The following BAIAP2 variants were observed in gnomAD, a reference collection of about 807,000 sequenced individuals.
The protein encoded by BAIAP2 is BAR/IMD domain containing adaptor protein 2.
In BAIAP2, 18 loss-of-function variants were observed where a neutral mutation model predicts 63.0. The ratio of observed to expected loss-of-function variants is 0.29; its 90% CI spans 0.20 to 0.42. BAIAP2 has a LOEUF of 0.42. Ranked by LOEUF, BAIAP2 falls within the 10% of genes least tolerant of loss-of-function variation. The pLI is 1.00. For synonymous variants in BAIAP2, 386 were observed against 307.6 expected (o/e 1.25, Z -2.67); for missense variants, 610 against 734.3 (o/e 0.83, Z 1.96).
chr17:81,074,382 G>A (rs1048442688), intron 3 of BAIAP2, among the ~76,000 whole-genome samples: 2 of 152,012 alleles, frequency 1.3e-5, no homozygotes, highest in Non-Finnish European at 2.9e-5. Context: ...GTGCGTGCAC[G>A]GATACGTGAG....
intron 6 of BAIAP2, among the ~76,000 whole-genome samples, chr17:81,091,211 A>ACCCCC (rs1568150091): frequency 1.7e-4 from 1 of 5,794 alleles, no homozygotes; most frequent in Non-Finnish European, 3.5e-4. Flanking sequence ...ACCCCACCCC[A>ACCCCC]CAGGCCTCCT....
chr17:81,111,004 G>C, intron 13 of BAIAP2: 1 of 1,610,024 alleles, frequency 6.2e-7, no homozygotes. Context: ...CTCTCCAGTG[G>C]TTCTCCACGG....
At chr17:81,085,786 C>A (rs1455193357) in intron 5 of BAIAP2, 61 bp downstream of exon 5, 2 of 1,314,950 alleles carry the variant, frequency 1.5e-6, no homozygotes, top group Non-Finnish European at 2.2e-6. Flanking sequence ...CTCCCAAATG[C>A]CTGCCACTCC....
rs1455593903 is a variant in BAIAP2 at position 81,116,743 on chromosome 17, T to C, written c.*904T>C. On this transcript the variant is annotated 3_prime_UTR_variant, in exon 14 of 14. Transcript: ENST00000428708. ...CAGATTTGTGCTCTTCCATACTGTT[T>C]GTTTGTTTGTTAGGTGAAATACAGT... 2 of 191,622 alleles carry C rather than the reference T, an allele frequency of 1.0e-5. No individual in the cohort carries two copies. Among genetic ancestry groups the C allele is most frequent in the Non-Finnish European group, 2.2e-5 (2 of 90,326 alleles). 11.9% of individuals were successfully genotyped at this position (191,622 alleles called of 1,614,324 possible).
At chr17:81,099,618 C>A (rs1421286498) in intron 6 of BAIAP2, among the ~76,000 whole-genome samples, 3 of 152,104 alleles carry the variant, frequency 2.0e-5, no homozygotes, top group African/African-American at 7.2e-5. Context: ...ACAGCAGGAG[C>A]CCTGAGATGA....
Position 81,112,647 on chromosome 17 carries a change from G to A in BAIAP2, c.1536-3123G>A, listed in dbSNP as rs188812157. ...AGCTGACGCGAGAAGACAGAAAACA[G>A]GTGCTGTCCGCCCGGCTCTGGGTCT... On this transcript the variant is annotated intron_variant, in intron 13 of 13. Coordinates refer to ENST00000428708, the MANE Select transcript of BAIAP2 (RefSeq NM_001144888.2). 3.3e-4 allele frequency among the ~76,000 whole-genome samples: 50 copies of A among 152,368 alleles called. No individual in the cohort carries two copies. The East Asian group carries it at 9.4e-3, about 29-fold the overall frequency.
Position 81,108,489 on chromosome 17 carries a change from T to C in BAIAP2, c.1515T>C (p.Tyr505=), listed in dbSNP as rs754840178. The C allele has an allele frequency of 9.9e-6, 16 of 1,613,856 alleles. No individual in the cohort carries two copies. The South Asian group carries it at 1.6e-4, about 17-fold the overall frequency. The change falls in exon 13 of 14, where the codon TAT becomes TAC. Residue 505 remains tyrosine (Y), a synonymous_variant. Coordinates refer to ENST00000428708, the MANE Select transcript of BAIAP2 (RefSeq NM_001144888.2). ...TCTGCCCCCAGGGCCTGGATGACTATGGAGCGCGGTCCATGAGCAGGTAAG... is the reference window on the plus strand; with the variant it reads ...TCTGCCCCCAGGGCCTGGATGACTACGGAGCGCGGTCCATGAGCAGGTAAG... ...VPAFSQGLDD[Y]GARSMSRNPF...
chr17:81,068,071 C>T (rs1272544396), intron 3 of BAIAP2, among the ~76,000 whole-genome samples: 1 of 152,242 alleles, frequency 6.6e-6, no homozygotes, highest in East Asian at 1.9e-4. Flanking sequence ...CTCTGGGGTC[C>T]TGGGGGACGT....
chr17:81,037,417 T>G (rs2046428409), intron 1 of BAIAP2, among the ~76,000 whole-genome samples: 1 of 152,250 alleles, frequency 6.6e-6, no homozygotes, highest in African/African-American at 2.4e-5. Context: ...GCCTGACTGC[T>G]GAGTCTTTGA....
At chr17:81,074,366 C>G (rs1297378476) in intron 3 of BAIAP2, among the ~76,000 whole-genome samples, 1 of 149,262 alleles carries the variant, frequency 6.7e-6, no homozygotes, top group South Asian at 2.1e-4. Flanking sequence ...ACATGTGTCA[C>G]TGTGTGTGCG....
At chr17:81,070,256 G>A (rs946871691) in intron 3 of BAIAP2, among the ~76,000 whole-genome samples, 16 of 152,190 alleles carry the variant, frequency 1.1e-4, no homozygotes, top group Non-Finnish European at 2.1e-4. Flanking sequence ...ACCGTGCCTG[G>A]CCAGAGGTTG....
At chr17:81,067,194 A>C (rs942712825) in intron 3 of BAIAP2, among the ~76,000 whole-genome samples, 1 of 152,098 alleles carries the variant, frequency 6.6e-6, no homozygotes. Context: ...CCCTCCCTAC[A>C]GTAGGACTCC....
chr17:81,055,611 G>A (rs1395994290), intron 2 of BAIAP2, among the ~76,000 whole-genome samples: 1 of 133,266 alleles, frequency 7.5e-6, no homozygotes, highest in African/African-American at 2.6e-5. Context: ...TGTTGCCCAG[G>A]CCAGACTGCA....
chr17:81,091,555 C>T (rs1374372406), intron 6 of BAIAP2, among the ~76,000 whole-genome samples: 7 of 152,312 alleles, frequency 4.6e-5, no homozygotes, highest in African/African-American at 1.4e-4. Flanking sequence ...CCTGTGGGGT[C>T]ACTGGCGACC....
chr17:81,078,975 A>G (rs2054160614), intron 3 of BAIAP2, among the ~76,000 whole-genome samples: 2 of 151,700 alleles, frequency 1.3e-5, no homozygotes, highest in Admixed American at 1.3e-4. Context: ...GGGGAGTGAG[A>G]CCAGGCTCAG....
At chr17:81,083,716 C>G (rs1055366147) in intron 3 of BAIAP2, 3 of 152,222 alleles carry the variant, frequency 2.0e-5, no homozygotes, top group Admixed American at 1.3e-4. Flanking sequence ...GCTAGCCAGC[C>G]CCCTGGGCTG....
At chr17:81,098,105 G>A (rs1326951109) in intron 6 of BAIAP2, 3 of 1,381,774 alleles carry the variant, frequency 2.2e-6, no homozygotes. Flanking sequence ...GGGCCAGCGG[G>A]GGGTGGGGAG....
chr17:81,043,436 G>C (rs1461056339), intron 1 of BAIAP2, among the ~76,000 whole-genome samples: 1 of 152,260 alleles, frequency 6.6e-6, no homozygotes, highest in African/African-American at 2.4e-5. Flanking sequence ...CCGTGGAGCA[G>C]AGCTGTGGGC....
intron 1 of BAIAP2, among the ~76,000 whole-genome samples, chr17:81,040,182 T>A (rs2046882469): frequency 6.6e-6 from 1 of 152,262 alleles, no homozygotes; most frequent in Non-Finnish European, 1.5e-5. Context: ...AGCCAGAGTC[T>A]GCCCTGTGTT....
Sources: gnomAD v4.1 joint callset for allele counts (sites outside exome capture counted in the v4.1 genomes callset) on GRCh38, gnomAD v4.1.1 for gene constraint, MANE v1.5 for transcripts, NCBI Gene and HGNC (gene_info 2026-07-23, HGNC 2026-07-21) for gene names.